The following PDE8A variants were observed in gnomAD, a reference collection of about 807,000 sequenced individuals.
The protein encoded by PDE8A is high affinity cAMP-specific and IBMX-insensitive 3',5'-cyclic phosphodiesterase 8A.
A neutral mutation model predicts 105.0 loss-of-function variants in PDE8A; 59 were observed. That is an observed-to-expected ratio of 0.56 (90% CI 0.46 to 0.70). PDE8A has a LOEUF of 0.70. PDE8A is among the 30% of genes least tolerant of loss of function. The probability of loss-of-function intolerance (pLI) is 0.00; values close to 1 mark genes in which losing one functional copy is unlikely to be tolerated. For missense variants in PDE8A, 1,014 were observed against 1,045.9 expected (o/e 0.97, Z 0.42); for synonymous variants, 355 against 371.9 (o/e 0.95, Z 0.52).
At chr15:85,131,156 C>A (rs143413001) in intron 20 of PDE8A, among the ~76,000 whole-genome samples, 268 of 152,292 alleles carry the variant, frequency 1.8e-3, no homozygotes, top group African/African-American at 6.3e-3. Context: ...TCCATCCTTT[C>A]ATTTTCAACA....
At chr15:84,995,926 A>G (rs2079968437) in intron 1 of PDE8A, among the ~76,000 whole-genome samples, 1 of 152,008 alleles carries the variant, frequency 6.6e-6, no homozygotes, top group Non-Finnish European at 1.5e-5. Context: ...TTTTATTGGT[A>G]TTTTAGTTTA....
intron 1 of PDE8A, among the ~76,000 whole-genome samples, chr15:85,029,519 C>G (rs992207306): frequency 3.3e-5 from 5 of 151,686 alleles, no homozygotes; most frequent in Non-Finnish European, 7.4e-5. Context: ...AGCTTATTAC[C>G]TCTCTTATGT....
At position 85,063,250 on chromosome 15, in the gene PDE8A, A is replaced by G. The variant is rs981544216; in HGVS notation, c.187-1120A>G. On this transcript the variant is annotated intron_variant, in intron 1 of 21. Transcript: ENST00000394553. Reference sequence around the variant, plus strand: ...GCAAACTTCGTAATGTGTTTACTAGAATAGGTCACTGTTTGAGGGGAGAGA... The same window carrying G: ...GCAAACTTCGTAATGTGTTTACTAGGATAGGTCACTGTTTGAGGGGAGAGA... 3.3e-5 allele frequency: 5 copies of G among 152,268 alleles called. 1 individual carries two copies. Among genetic ancestry groups the G allele is most frequent in the Admixed American group, 6.5e-5 (1 of 15,294 alleles). The allele number at this position is 152,268 out of a possible 1,614,324, so 9.4% of individuals were successfully genotyped here. A position where few individuals can be genotyped will look rare whatever the true frequency, so the allele number is the denominator to read the frequency against.
At chr15:85,037,109 A>G (rs953755341) in intron 1 of PDE8A, among the ~76,000 whole-genome samples, 9 of 148,138 alleles carry the variant, frequency 6.1e-5, no homozygotes, top group Non-Finnish European at 1.2e-4. Context: ...CTTGTCGCCC[A>G]GGCTGGAGTG....
chr15:85,054,861 T>A (rs1350880119), intron 1 of PDE8A, among the ~76,000 whole-genome samples: 1 of 152,244 alleles, frequency 6.6e-6, no homozygotes, highest in Non-Finnish European at 1.5e-5. Context: ...AGCTTTTGAA[T>A]GTGTTTGCTC....
At chr15:84,988,992 G>C (rs1307302736) in intron 1 of PDE8A, among the ~76,000 whole-genome samples, 1 of 152,216 alleles carries the variant, frequency 6.6e-6, no homozygotes, top group Non-Finnish European at 1.5e-5. Context: ...GGTGTATTCT[G>C]TGTTTTAACA....
intron 1 of PDE8A, among the ~76,000 whole-genome samples, chr15:85,026,080 A>G (rs2080511352): frequency 6.6e-6 from 1 of 152,186 alleles, no homozygotes; most frequent in Admixed American, 6.5e-5. Context: ...GTGTTTGTCA[A>G]ACTGCCTGCT....
chr15:85,071,184 T>C (rs1299083866), intron 3 of PDE8A, among the ~76,000 whole-genome samples: 1 of 151,698 alleles, frequency 6.6e-6, no homozygotes, highest in East Asian at 1.9e-4. Context: ...ACTTCAGTCT[T>C]TGAAGCTGAA....
At chr15:85,035,721 C>G (rs1212143180) in intron 1 of PDE8A, among the ~76,000 whole-genome samples, 1 of 152,102 alleles carries the variant, frequency 6.6e-6, no homozygotes, top group Non-Finnish European at 1.5e-5. Context: ...GTTCTTTTCT[C>G]AAGAGCTATT....
In PDE8A at chr15:85,125,091, T is replaced by C. The variant is rs368455659; in HGVS notation, c.2086-1116T>C. On this transcript the variant is annotated intron_variant, in intron 19 of 21. Coordinates refer to ENST00000394553, the MANE Select transcript of PDE8A (RefSeq NM_002605.3). ...GAAAGAAGGGTCAGCACAGAGCTGG[T>C]CACAGTGGAAACCTGGAGTGAGGAG... 4.6e-5 allele frequency among the ~76,000 whole-genome samples: 7 copies of C among 152,144 alleles called. No individual in the cohort carries two copies. The East Asian group carries it at 9.6e-4, about 21-fold the overall frequency.
At chr15:85,054,122 A>G (rs568282729) in intron 1 of PDE8A, among the ~76,000 whole-genome samples, 2 of 152,298 alleles carry the variant, frequency 1.3e-5, no homozygotes, top group East Asian at 3.9e-4. Flanking sequence ...GATTACGTTT[A>G]TTGGTTTTTG....
intron 20 of PDE8A, among the ~76,000 whole-genome samples, chr15:85,128,298 A>T (rs1463323392): frequency 6.6e-6 from 1 of 152,180 alleles, no homozygotes; most frequent in African/African-American, 2.4e-5. Flanking sequence ...TGAGTCCAGG[A>T]GTTCAAGACC....
Position 85,119,468 on chromosome 15 carries a change from C to CAAAAAAA in PDE8A, c.1735-1322_1735-1316dup, listed in dbSNP as rs546194907. The stretch of plus-strand genomic sequence containing the variant: ...GGGTGACAGAGCAAGACTCTCGTCT[C>CAAAAAAA]AAAAAAAAAAAAACATTTATTGAAA... On this transcript the variant is annotated intron_variant, in intron 17 of 21. Transcript: ENST00000394553. 2.9e-3 allele frequency among the ~76,000 whole-genome samples: 168 copies of CAAAAAAA among 58,544 alleles called. 22 individuals are homozygous for CAAAAAAA. Among genetic ancestry groups the CAAAAAAA allele is most frequent in the Admixed American group, 5.0e-3 (19 of 3,830 alleles). The allele number at this position is 58,544 out of a possible 152,430, so 38.4% of individuals were successfully genotyped here. A position where few individuals can be genotyped will look rare whatever the true frequency, so the allele number is the denominator to read the frequency against.
intron 1 of PDE8A, among the ~76,000 whole-genome samples, chr15:85,036,076 A>G (rs764540170): frequency 9.2e-5 from 14 of 152,224 alleles, no homozygotes; most frequent in South Asian, 6.2e-4. Flanking sequence ...ATTGAAAAAC[A>G]TATTTTAAAA....
intron 12 of PDE8A, among the ~76,000 whole-genome samples, chr15:85,111,854 C>T (rs1670554818): frequency 6.6e-6 from 1 of 152,180 alleles, no homozygotes; most frequent in African/African-American, 2.4e-5. Flanking sequence ...TTTGTTTTCT[C>T]TCAGCAGTGT....
chr15:85,068,065 G>A (rs1278686826), intron 3 of PDE8A, among the ~76,000 whole-genome samples: 1 of 151,060 alleles, frequency 6.6e-6, no homozygotes, highest in African/African-American at 2.4e-5. Flanking sequence ...TTCTTGTGAC[G>A]GAGTCTCACT....
At chr15:85,118,553 A>G (rs929575748) in intron 17 of PDE8A, among the ~76,000 whole-genome samples, 4 of 152,148 alleles carry the variant, frequency 2.6e-5, no homozygotes, top group Non-Finnish European at 4.4e-5. Flanking sequence ...CATACCTGAT[A>G]TTGTCATTCC....
At position 85,076,817 on chromosome 15, in the gene PDE8A, A is replaced by G. The variant is rs770029100; in HGVS notation, c.546+30A>G. ...GTACTCACTTATTTGTTATACAAGTATAATTCAATTTGAGAAATTATTTTA... is the reference window on the plus strand; with the variant it reads ...GTACTCACTTATTTGTTATACAAGTGTAATTCAATTTGAGAAATTATTTTA... On this transcript the variant is annotated intron_variant, in intron 5 of 21. Transcript: ENST00000394553. The G allele has an allele frequency of 6.9e-6, 9 of 1,295,944 alleles. No individual in the cohort carries two copies. In the South Asian group the frequency reaches 1.1e-4, roughly 15 times the overall value. The allele number at this position is 1,295,944 out of a possible 1,614,324, so 80.3% of individuals were successfully genotyped here. A position where few individuals can be genotyped will look rare whatever the true frequency, so the allele number is the denominator to read the frequency against.
At chr15:85,010,644 A>G (rs2080224337) in intron 1 of PDE8A, among the ~76,000 whole-genome samples, 1 of 152,130 alleles carries the variant, frequency 6.6e-6, no homozygotes, top group African/African-American at 2.4e-5. Flanking sequence ...CAGTGCCTAC[A>G]CTCATTGGTA....
Sources: allele counts gnomAD v4.1 joint callset (sites outside exome capture counted in the v4.1 genomes callset), GRCh38; gene constraint gnomAD v4.1.1; transcripts MANE v1.5; gene names NCBI Gene and HGNC (gene_info 2026-07-23, HGNC 2026-07-21).